Variants in FHOD3 observed in about 807,000 individuals in gnomAD.
The protein encoded by FHOD3 is formin homology 2 domain containing 3.
Under a neutral mutation model 173.0 loss-of-function variants are expected in FHOD3, and 90 were observed. That is an observed-to-expected ratio of 0.52 (90% CI 0.44 to 0.62). The LOEUF is 0.62. FHOD3 is among the 20% of genes least tolerant of loss of function. FHOD3 has a pLI of 0.00. For missense variants in FHOD3, 1,945 were observed against 2,034.7 expected, an observed-to-expected ratio of 0.96 and a Z score of 0.85; for synonymous variants, 828 against 823.0, an observed-to-expected ratio of 1.01 and a Z score of -0.10.
At chr18:36,378,153 A>G (rs748998525) in intron 3 of FHOD3, among the ~76,000 whole-genome samples, 6 of 152,192 alleles carry the variant, frequency 3.9e-5, no homozygotes, top group Non-Finnish European at 7.3e-5. Context: ...AAAGATGTTC[A>G]TCTTGTTGCA....
rs779383407 is a variant in FHOD3 at position 36,625,575 on chromosome 18, G to T, written c.1022G>T (p.Arg341Leu). Reference sequence around the variant, plus strand: ...CCACCCCCCAGTGGGTGCCGGGACCGGAGGAGGGCCAGCGTGTGTTCCAGT... The same window carrying T: ...CCACCCCCCAGTGGGTGCCGGGACCTGAGGAGGGCCAGCGTGTGTTCCAGT... ...TEPPPSGCRD[R>L]RRASVCSSGG... Residue 341 changes from arginine (R) to leucine (L), a missense_variant, in exon 10 of 29, where the codon CGG (arginine) becomes CTG (leucine). Arg to Leu is a moderately radical substitution (Grantham distance 102, BLOSUM62 -2). Transcript: ENST00000590592. 1 of 1,542,572 alleles carries T rather than the reference G, an allele frequency of 6.5e-7. No individual in the cohort carries two copies. The highest frequency in any genetic ancestry group is 8.8e-7 in the Non-Finnish European group (1 of 1,136,362).
intron 19 of FHOD3, among the ~76,000 whole-genome samples, chr18:36,728,751 G>A (rs1220675067): frequency 6.6e-6 from 1 of 152,248 alleles, no homozygotes. Flanking sequence ...TGGGGCTACA[G>A]CAGAACAGTT....
At chr18:36,676,534 T>C (rs1208038958) in intron 14 of FHOD3, among the ~76,000 whole-genome samples, 2 of 152,254 alleles carry the variant, frequency 1.3e-5, no homozygotes, top group Non-Finnish European at 2.9e-5. Flanking sequence ...AAAGTTACTT[T>C]CTAGATAAAC....
chr18:36,492,334 A>C (rs1195044007), intron 3 of FHOD3, among the ~76,000 whole-genome samples: 1 of 151,978 alleles, frequency 6.6e-6, no homozygotes, highest in Non-Finnish European at 1.5e-5. Context: ...TGTTACCATC[A>C]CCTTCTCACA....
intron 4 of FHOD3, among the ~76,000 whole-genome samples, chr18:36,503,656 A>G (rs2055151740): frequency 6.6e-6 from 1 of 152,160 alleles, no homozygotes; most frequent in Admixed American, 6.5e-5. Flanking sequence ...CATGCCTGGA[A>G]AATTGCAGCA....
intron 27 of FHOD3, among the ~76,000 whole-genome samples, chr18:36,762,185 T>C (rs1285445630): frequency 6.6e-6 from 1 of 152,172 alleles, no homozygotes; most frequent in Non-Finnish European, 1.5e-5. Context: ...TAATGATAAA[T>C]TCAACATAAT....
At chr18:36,691,289 G>A (rs1209934771) in intron 16 of FHOD3, among the ~76,000 whole-genome samples, 2 of 152,182 alleles carry the variant, frequency 1.3e-5, no homozygotes, top group Non-Finnish European at 2.9e-5. Context: ...AGACTCATTT[G>A]ATTTCTTGCA....
chr18:36,684,083 C>T (rs1398400009), intron 15 of FHOD3, among the ~76,000 whole-genome samples: 1 of 152,196 alleles, frequency 6.6e-6, no homozygotes, highest in Non-Finnish European at 1.5e-5. Context: ...CATGGCATGC[C>T]ATAGGCTTTG....
At chr18:36,505,300 A>G (rs2055246552) in intron 4 of FHOD3, among the ~76,000 whole-genome samples, 2 of 152,288 alleles carry the variant, frequency 1.3e-5, no homozygotes, top group African/African-American at 4.8e-5. Flanking sequence ...GAAACTGGGC[A>G]GTGGCGTAAG....
intron 14 of FHOD3, among the ~76,000 whole-genome samples, chr18:36,674,858 A>G (rs1300046599): frequency 6.6e-6 from 1 of 152,008 alleles, no homozygotes; most frequent in Non-Finnish European, 1.5e-5. Flanking sequence ...ACTCTTATGC[A>G]AAGAAGAGGA....
At chr18:36,742,186 TGAGGCTA>T (rs2041934926) in intron 21 of FHOD3, among the ~76,000 whole-genome samples, 1 of 151,854 alleles carries the variant, frequency 6.6e-6, no homozygotes, top group African/African-American at 2.4e-5. Flanking sequence ...ATGGAGGCCA[TGAGGCTA>T]CAGAGCAGGC....
intron 3 of FHOD3, among the ~76,000 whole-genome samples, chr18:36,466,538 A>C (rs942081016): frequency 1.3e-5 from 2 of 152,192 alleles, no homozygotes; most frequent in African/African-American, 4.8e-5. Context: ...AATGGGGGGA[A>C]TATCTTGAGG....
chr18:36,305,357 GA>G (rs1192483283), intron 1 of FHOD3, among the ~76,000 whole-genome samples: 1 of 152,028 alleles, frequency 6.6e-6, no homozygotes, highest in Non-Finnish European at 1.5e-5. Flanking sequence ...TGATCAACTT[GA>G]AAAAAGGGAA....
chr18:36,672,310 C>T (rs760312096), intron 14 of FHOD3, among the ~76,000 whole-genome samples: 3 of 152,188 alleles, frequency 2.0e-5, no homozygotes, highest in Non-Finnish European at 4.4e-5. Context: ...AAAACAACAA[C>T]CATGCATTTA....
intron 3 of FHOD3, among the ~76,000 whole-genome samples, chr18:36,438,722 C>T (rs1304747347): frequency 6.6e-6 from 1 of 152,254 alleles, no homozygotes; most frequent in Non-Finnish European, 1.5e-5. Context: ...CATGCCCTGC[C>T]TCGGCTCAGG....
chr18:36,492,102 T>C (rs764662488), intron 3 of FHOD3, among the ~76,000 whole-genome samples: 2 of 152,204 alleles, frequency 1.3e-5, no homozygotes, highest in African/African-American at 2.4e-5. Flanking sequence ...CTGGATGATA[T>C]CTGATCCTCC....
At chr18:36,628,067 G>T (rs929094975) in intron 10 of FHOD3, among the ~76,000 whole-genome samples, 5 of 152,200 alleles carry the variant, frequency 3.3e-5, no homozygotes, top group Non-Finnish European at 5.9e-5. Context: ...CTTTTGTAAA[G>T]AAGGGAGAAA....
At chr18:36,741,445 G>A (rs967548972) in intron 21 of FHOD3, among the ~76,000 whole-genome samples, 1 of 152,154 alleles carries the variant, frequency 6.6e-6, no homozygotes, top group Non-Finnish European at 1.5e-5. Context: ...TGGGATCTTA[G>A]TTGAGAGGAA....
At chr18:36,658,214 C>A in intron 14 of FHOD3, 26 bp downstream of exon 14, 2 of 1,469,362 alleles carry the variant, frequency 1.4e-6, no homozygotes, top group South Asian at 2.4e-5. Flanking sequence ...ACGCTGATAG[C>A]TTCACAGTCC....
Sources: allele counts gnomAD v4.1 joint callset (sites outside exome capture counted in the v4.1 genomes callset), GRCh38; gene constraint gnomAD v4.1.1; transcripts MANE v1.5; gene names NCBI Gene and HGNC (gene_info 2026-07-23, HGNC 2026-07-21).